Variants in DIAPH2 observed in about 807,000 individuals in gnomAD.
DIAPH2 encodes diaphanous related formin 2, also known as protein diaphanous homolog 2.
DIAPH2 carries 35 observed loss-of-function variants against 92.7 expected under a neutral mutation model. The ratio of observed to expected loss-of-function variants is 0.38; its 90% CI spans 0.29 to 0.50. The LOEUF (loss-of-function observed/expected upper bound fraction) is 0.50. DIAPH2 is among the 20% of genes least tolerant of loss of function. The pLI is 0.94. For synonymous variants in DIAPH2, 301 were observed against 280.4 expected (o/e 1.07, Z -0.73); for missense variants, 701 against 819.5 (o/e 0.86, Z 1.77).
At chrX:97,251,945 C>G (rs1228428328) in intron 23 of DIAPH2, among the ~76,000 whole-genome samples, 3 of 111,524 alleles carry the variant, frequency 2.7e-5, no homozygotes, top group Non-Finnish European at 5.6e-5. Context: ...TAGCGTACTT[C>G]CAGATATTGT....
chrX:96,920,891 CA>C (rs1181912683), intron 9 of DIAPH2, among the ~76,000 whole-genome samples: 113 of 112,187 alleles, frequency 1.0e-3, no homozygotes, highest in Middle Eastern at 4.7e-3. Context: ...TTGTTATATA[CA>C]AAAACTAGTA....
chrX:96,881,234 A>G (rs2065210878), intron 4 of DIAPH2, among the ~76,000 whole-genome samples: 1 of 111,550 alleles, frequency 9.0e-6, no homozygotes, highest in African/African-American at 3.2e-5. Flanking sequence ...TAATAAGATG[A>G]TTTTTGAATG....
intron 22 of DIAPH2, among the ~76,000 whole-genome samples, chrX:97,200,154 GC>G (rs1463129905): frequency 8.9e-6 from 1 of 111,978 alleles, no homozygotes; most frequent in Non-Finnish European, 1.9e-5. Context: ...TGTGCTACCC[GC>G]CCCAGATACT....
intron 17 of DIAPH2, among the ~76,000 whole-genome samples, chrX:97,040,232 A>G (rs2066439498): frequency 1.9e-5 from 2 of 102,895 alleles, no homozygotes. Flanking sequence ...CTAAGGCATT[A>G]TTATGAAGAC....
At chrX:96,926,977 C>A in intron 9 of DIAPH2, among the ~76,000 whole-genome samples, 1 of 111,418 alleles carries the variant, frequency 9.0e-6, no homozygotes, top group African/African-American at 3.3e-5. Flanking sequence ...AGCAACAGAG[C>A]AACTCTGGAT....
intron 4 of DIAPH2, among the ~76,000 whole-genome samples, chrX:96,848,814 A>G (rs1284458901): frequency 8.9e-6 from 1 of 112,359 alleles, no homozygotes; most frequent in African/African-American, 3.2e-5. Context: ...AAATGCATTT[A>G]TCTTTATTCT....
At chrX:96,812,407 CTCT>C (rs1055692261) in intron 4 of DIAPH2, among the ~76,000 whole-genome samples, 1 of 111,633 alleles carries the variant, frequency 9.0e-6, no homozygotes, top group African/African-American at 3.3e-5. Flanking sequence ...CAATTCTTCT[CTCT>C]TTTCTTCTTT....
At chrX:96,901,607 G>A (rs184743705) in intron 5 of DIAPH2, among the ~76,000 whole-genome samples, 15 of 88,564 alleles carry the variant, frequency 1.7e-4, no homozygotes, top group Non-Finnish European at 2.3e-4. Context: ...TCTCGGCTCA[G>A]TGCTGCAACC....
chrX:96,783,169 T>C (rs1283505573), intron 4 of DIAPH2, among the ~76,000 whole-genome samples: 1 of 111,370 alleles, frequency 9.0e-6, no homozygotes, highest in East Asian at 2.8e-4. Context: ...AGAAAAGCCC[T>C]GAATATCTGA....
At chrX:97,429,614 G>T in intron 25 of DIAPH2, 36 bp from the exon 26 acceptor site, 1 of 1,185,978 alleles carries the variant, frequency 8.4e-7, no homozygotes, top group Non-Finnish European at 1.1e-6. Flanking sequence ...AACTTTAATT[G>T]CTCCAAGATT....
intron 23 of DIAPH2, among the ~76,000 whole-genome samples, chrX:97,320,620 C>A (rs761199710): frequency 1.7e-4 from 18 of 104,804 alleles, no homozygotes; most frequent in Non-Finnish European, 3.1e-4. Context: ...GAGGCTGAGG[C>A]AGTAGAATTG....
chrX:97,373,571 A>G (rs773474722), intron 24 of DIAPH2, among the ~76,000 whole-genome samples: 389 of 103,912 alleles, frequency 3.7e-3, no homozygotes, highest in African/African-American at 0.013. Context: ...CACTCATAAG[A>G]CAGACATTCA....
At chrX:97,018,394 G>T (rs1037312883) in intron 17 of DIAPH2, among the ~76,000 whole-genome samples, 1 of 112,016 alleles carries the variant, frequency 8.9e-6, no homozygotes, top group Non-Finnish European at 1.9e-5. Context: ...GGTATTATTG[G>T]TTCTTCATTT....
intron 26 of DIAPH2, among the ~76,000 whole-genome samples, chrX:97,551,014 T>G (rs2071215155): frequency 2.0e-5 from 2 of 101,550 alleles, no homozygotes; most frequent in Admixed American, 2.2e-4. Context: ...TTAAAAATAA[T>G]GCTTAAGTAT....
chrX:97,118,309 A>G (rs1221003778), intron 21 of DIAPH2, among the ~76,000 whole-genome samples: 1 of 111,402 alleles, frequency 9.0e-6, no homozygotes, highest in African/African-American at 3.3e-5. Flanking sequence ...TCCTTTCCCT[A>G]TGTTTGATTC....
chrX:97,042,246 G>T (rs781491177), intron 17 of DIAPH2, among the ~76,000 whole-genome samples: 6 of 111,851 alleles, frequency 5.4e-5, no homozygotes, highest in East Asian at 2.8e-4. Context: ...TTTCTTAGAT[G>T]AATTTGTTGA....
At chrX:96,965,471 G>A (rs145197343) in intron 17 of DIAPH2, among the ~76,000 whole-genome samples, 1,624 of 111,347 alleles carry the variant, frequency 0.015, 12 homozygotes, top group Middle Eastern at 0.023. Flanking sequence ...GTGTTGCACT[G>A]CTCCATTATA....
In DIAPH2 at chrX:97,429,719, G is replaced by A. The variant is rs1263768787; in HGVS notation, c.3215G>A (p.Arg1072His). The A allele has an allele frequency of 8.3e-7, 1 of 1,208,424 alleles. No homozygotes were observed. The highest frequency in any genetic ancestry group is 1.1e-6 in the Non-Finnish European group (1 of 894,398). The change falls in exon 26 of 27, where the codon CGT becomes CAT. Residue 1072 changes from arginine to histidine, a missense_variant. Around this residue, in one of 3 missense-constraint regions of DIAPH2, gnomAD observed 536 missense variants for 599.3 expected, o/e 0.89. Transcript: ENST00000324765. ...CAATCAGGTGCAGCATTCAGAGACC[G>A]TCGAAAGCGGATTCCAAGGAATCCA... is the stretch of plus-strand genomic sequence containing the variant. ...ALQSGAAFRD[R>H]RKRIPRNPDN...
intron 26 of DIAPH2, among the ~76,000 whole-genome samples, chrX:97,585,112 A>G (rs1173501251): frequency 8.9e-6 from 1 of 111,880 alleles, no homozygotes; most frequent in African/African-American, 3.3e-5. Flanking sequence ...TTTGTATATC[A>G]GTGATCAGTA....
Sources: allele counts gnomAD v4.1 joint callset (sites outside exome capture counted in the v4.1 genomes callset), GRCh38; gene constraint gnomAD v4.1.1; regional missense constraint gnomAD v4.1.1; transcripts MANE v1.5; gene names NCBI Gene and HGNC (gene_info 2026-07-23, HGNC 2026-07-21).